TDRD7: variants seen among roughly 807,000 people sequenced by gnomAD.
TDRD7 encodes the protein tudor domain-containing protein 7.
Under a neutral mutation model 109.8 loss-of-function variants are expected in TDRD7, and 47 were observed. The observed-to-expected ratio is 0.43, with a 90% CI of 0.34 to 0.55. The LOEUF is 0.55. Ranked by LOEUF, TDRD7 falls within the 20% of genes least tolerant of loss-of-function variation. The pLI is 0.03. For synonymous variants in TDRD7, 424 were observed against 457.3 expected (o/e 0.93, Z 0.93); for missense variants, 1,164 against 1,319.2 (o/e 0.88, Z 1.82).
At chr9:97,488,963 T>C (rs1219199779) in intron 16 of TDRD7, among the ~76,000 whole-genome samples, 2 of 152,256 alleles carry the variant, frequency 1.3e-5, no homozygotes, top group African/African-American at 4.8e-5. Context: ...ATTTTCCAGC[T>C]ATCTTTCTGT....
rs1384134270 is a variant in TDRD7, at chr9:97,483,226, G to A, written c.2790G>A (p.Gln930=). Residue 930 remains glutamine, a synonymous_variant, in exon 15 of 17, where the codon CAG becomes CAA. Transcript: ENST00000355295. The part of the protein sequence containing the change: ...VACHPGYFVI[Q]PWQEIHKLEV... ...GTCACCCAGGCTACTTCGTCATCCA[G>A]CCTTGGCAGGAGATACATAAGTTGG... 6.2e-7 allele frequency: 1 copy of A among 1,613,380 alleles called. No individual in the cohort carries two copies. Among genetic ancestry groups the A allele is most frequent in the Non-Finnish European group, 8.5e-7 (1 of 1,179,550 alleles).
intron 16 of TDRD7, among the ~76,000 whole-genome samples, chr9:97,494,760 G>A (rs1013323368): frequency 8.0e-5 from 12 of 149,284 alleles, no homozygotes; most frequent in Admixed American, 3.4e-4. Context: ...AGGCTGGATG[G>A]AGTACAGTGA....
intron 6 of TDRD7, among the ~76,000 whole-genome samples, chr9:97,454,338 G>A (rs1257897067): frequency 2.0e-5 from 3 of 152,080 alleles, no homozygotes; most frequent in African/African-American, 7.2e-5. Context: ...AAATTAGCCG[G>A]GTGTGGTGGC....
chr9:97,455,583 A>T (rs1828591266), intron 6 of TDRD7, among the ~76,000 whole-genome samples: 2 of 152,252 alleles, frequency 1.3e-5, no homozygotes, highest in South Asian at 4.1e-4. Context: ...CCACATGATT[A>T]TCTCAATAGA....
At chr9:97,417,705 C>A (rs1233402075) in intron 1 of TDRD7, among the ~76,000 whole-genome samples, 1 of 152,172 alleles carries the variant, frequency 6.6e-6, no homozygotes, top group African/African-American at 2.4e-5. Context: ...GAGGCTCAGG[C>A]ATAATCTTCT....
intron 7 of TDRD7, among the ~76,000 whole-genome samples, chr9:97,461,675 C>T: frequency 6.6e-6 from 1 of 152,214 alleles, no homozygotes; most frequent in Non-Finnish European, 1.5e-5. Context: ...TTGCAGTCTC[C>T]ATTTGGGAAA....
chr9:97,412,522 C>T lies in TDRD7; in HGVS notation c.-7+284C>T, dbSNP rs942431117. Among the ~76,000 whole-genome samples, 7 of 152,306 alleles carry T rather than the reference C, an allele frequency of 4.6e-5. No individual in the cohort carries two copies. In the South Asian group the frequency reaches 8.3e-4, roughly 18 times the overall value. ...GCGTTCACGCGGGAGTCGGACGGAG[C>T]CTCCTGCCGCCTCGGAAGCTCTGCG... On this transcript the variant is annotated intron_variant, in intron 1 of 16. Transcript: ENST00000355295. The surrounding 1 kb of genome is among the most constrained non-coding windows in gnomAD (Gnocchi z 4.3).
At chr9:97,417,362 A>G (rs1385008614) in intron 1 of TDRD7, among the ~76,000 whole-genome samples, 1 of 152,126 alleles carries the variant, frequency 6.6e-6, no homozygotes, top group Admixed American at 6.6e-5. Flanking sequence ...AATAGTATAT[A>G]TTATATGAAA....
In TDRD7 at chr9:97,475,324, G is replaced by A. The variant is rs532033963; in HGVS notation, c.2080-59G>A. 2.1e-5 allele frequency: 28 copies of A among 1,327,280 alleles called. No homozygotes were observed. The South Asian group carries it at 2.4e-4, about 11-fold the overall frequency. 82.2% of individuals were successfully genotyped at this position (1,327,280 alleles called of 1,614,324 possible). Reference sequence around the variant, plus strand: ...GCCACAGCGATCTGTTTTTCTAATGGTGTAGCAATATGCTCTTTGCTAAGA... The same window carrying A: ...GCCACAGCGATCTGTTTTTCTAATGATGTAGCAATATGCTCTTTGCTAAGA... On this transcript the variant is annotated intron_variant, in intron 11 of 16. Coordinates refer to ENST00000355295, the MANE Select transcript of TDRD7 (RefSeq NM_014290.3).
intron 16 of TDRD7, among the ~76,000 whole-genome samples, chr9:97,489,698 A>G (rs1232667249): frequency 6.6e-6 from 1 of 151,784 alleles, no homozygotes; most frequent in Non-Finnish European, 1.5e-5. Flanking sequence ...ACTGTTTTCT[A>G]TTTGTTTTCC....
intron 4 of TDRD7, among the ~76,000 whole-genome samples, chr9:97,437,948 A>G (rs909537169): frequency 2.6e-5 from 4 of 152,244 alleles, no homozygotes; most frequent in South Asian, 2.1e-4. Flanking sequence ...CTTTTGCTAT[A>G]TACACTTTTT....
intron 1 of TDRD7, among the ~76,000 whole-genome samples, chr9:97,415,555 T>A (rs1348194801): frequency 6.6e-6 from 1 of 152,212 alleles, no homozygotes; most frequent in Non-Finnish European, 1.5e-5. Flanking sequence ...CCCTAAAGAT[T>A]GTCATCACTC....
At chr9:97,447,996 T>G (rs567213917) in intron 6 of TDRD7, among the ~76,000 whole-genome samples, 2 of 152,188 alleles carry the variant, frequency 1.3e-5, no homozygotes, top group Non-Finnish European at 2.9e-5. Flanking sequence ...TAAGCGGAAG[T>G]GTTGACCTTG....
chr9:97,478,536 C>T lies in TDRD7; in HGVS notation c.2264C>T (p.Pro755Leu), dbSNP rs779920597. Residue 755 changes from proline to leucine, a missense_variant, in exon 13 of 17, where the codon CCT (proline) becomes CTT (leucine). This residue lies in a region of TDRD7 where 233 missense variants were observed against 218.0 expected (regional missense o/e 1.07). Transcript: ENST00000355295. ...VKVSELREIPPRFLQEMIAIP... is the reference protein window; with the variant it reads ...VKVSELREIPLRFLQEMIAIP... ...GTGTCAGAGCTCAGGGAAATTCCAC[C>T]TCGGTTTCTACAAGAAATGATTGCA... 1 of 1,614,020 alleles carries T rather than the reference C, an allele frequency of 6.2e-7. No homozygotes were observed. Among genetic ancestry groups the T allele is most frequent in the South Asian group, 1.1e-5 (1 of 91,078 alleles).
intron 13 of TDRD7, 175 bp downstream of exon 13, chr9:97,478,748 G>C: frequency 1.2e-6 from 1 of 817,990 alleles, no homozygotes; most frequent in Non-Finnish European, 2.0e-6. Context: ...TAGACAAGAA[G>C]ACCAGTCATA....
intron 4 of TDRD7, among the ~76,000 whole-genome samples, chr9:97,434,406 G>A (rs984705549): frequency 2.0e-4 from 30 of 152,198 alleles, no homozygotes; most frequent in Middle Eastern, 6.8e-3. Flanking sequence ...AGGAGAAATA[G>A]GTTCAATACA....
At position 97,412,914 on chromosome 9, in the gene TDRD7, A is replaced by G. The variant is rs371375993; in HGVS notation, c.-7+676A>G. Among the ~76,000 whole-genome samples the G allele has an allele frequency of 1.8e-4, 28 of 152,276 alleles. No individual in the cohort carries two copies. Among genetic ancestry groups the G allele is most frequent in the African/African-American group, 6.5e-4 (27 of 41,554 alleles). ...AGACTCTCAGCTTCAGCTTGCTAGGAGGGAGCTTGGAGCCGGCATATCTTT... is the reference window on the plus strand; with the variant it reads ...AGACTCTCAGCTTCAGCTTGCTAGGGGGGAGCTTGGAGCCGGCATATCTTT... On this transcript the variant is annotated intron_variant, in intron 1 of 16. Coordinates refer to ENST00000355295, the MANE Select transcript of TDRD7 (RefSeq NM_014290.3). The surrounding 1 kb of genome is among the most constrained non-coding windows in gnomAD (Gnocchi z 4.3).
intron 4 of TDRD7, among the ~76,000 whole-genome samples, chr9:97,436,884 T>C (rs369051276): frequency 6.6e-6 from 1 of 152,186 alleles, no homozygotes; most frequent in Non-Finnish European, 1.5e-5. Flanking sequence ...GTTCCTGGGC[T>C]TTCCATTCAG....
Position 97,495,724 on chromosome 9 carries a change from G to A in TDRD7, c.3138G>A (p.Lys1046=), listed in dbSNP as rs1341066516. Residue 1046 remains lysine, a synonymous_variant, in exon 17 of 17, where the codon AAG becomes AAA. Coordinates refer to ENST00000355295, the MANE Select transcript of TDRD7 (RefSeq NM_014290.3). Reference sequence around the variant, plus strand: ...TGGTGTTTCGAAATCATGTGGAGAAGAAACCTCTGGTGGCACTGGTGCAGA... The same window carrying A: ...TGGTGTTTCGAAATCATGTGGAGAAAAAACCTCTGGTGGCACTGGTGCAGA... ...ASMVFRNHVE[K]KPLVALVQTV... 1 of 1,614,190 alleles carries A rather than the reference G, an allele frequency of 6.2e-7. No homozygotes were observed. The highest frequency in any genetic ancestry group is 8.5e-7 in the Non-Finnish European group (1 of 1,180,034).
Sources: allele counts gnomAD v4.1 joint callset (sites outside exome capture counted in the v4.1 genomes callset), GRCh38; gene constraint gnomAD v4.1.1; regional missense constraint gnomAD v4.1.1; non-coding constraint Gnocchi (gnomAD v3.1); transcripts MANE v1.5; gene names NCBI Gene and HGNC (gene_info 2026-07-23, HGNC 2026-07-21).